Variants in COLEC12 observed in about 807,000 individuals in gnomAD.
COLEC12 encodes the protein collectin-12.
A neutral mutation model predicts 71.1 loss-of-function variants in COLEC12; 33 were observed. The ratio of observed to expected loss-of-function variants is 0.46; its 90% CI spans 0.35 to 0.62. The LOEUF (loss-of-function observed/expected upper bound fraction) is 0.62. Among genes scored for constraint, COLEC12 ranks in the 20% least tolerant of loss-of-function variants. COLEC12 has a pLI of 0.00. For missense variants in COLEC12, 765 were observed against 916.1 expected (o/e 0.84, Z 2.13); for synonymous variants, 350 against 353.0 (o/e 0.99, Z 0.10).
intron 2 of COLEC12, among the ~76,000 whole-genome samples, chr18:384,410 T>C (rs536897870): frequency 1.3e-5 from 2 of 152,106 alleles, no homozygotes; most frequent in South Asian, 4.2e-4. Flanking sequence ...GAAAAGGACA[T>C]GAAGAACAGG....
At chr18:463,367 T>C (rs1014424153) in intron 2 of COLEC12, among the ~76,000 whole-genome samples, 1 of 152,252 alleles carries the variant, frequency 6.6e-6, no homozygotes, top group Admixed American at 6.5e-5. Flanking sequence ...GCTTAGCATC[T>C]GTACCCAACT....
At chr18:436,524 AAG>A (rs1491370699) in intron 2 of COLEC12, among the ~76,000 whole-genome samples, 84 of 31,622 alleles carry the variant, frequency 2.7e-3, no homozygotes, top group African/African-American at 5.7e-3. Flanking sequence ...TCAAAAAAAA[AAG>A]GGGGGGGGGG....
intron 2 of COLEC12, among the ~76,000 whole-genome samples, chr18:367,801 G>A (rs1914888279): frequency 6.6e-6 from 1 of 152,154 alleles, no homozygotes; most frequent in Non-Finnish European, 1.5e-5. Context: ...TATTAAAACT[G>A]GACAAAGGCC....
chr18:349,564 C>T (rs1914462433), intron 3 of COLEC12, among the ~76,000 whole-genome samples: 1 of 152,134 alleles, frequency 6.6e-6, no homozygotes, highest in South Asian at 2.1e-4. Flanking sequence ...GAGAAGAGGG[C>T]CACCGTCCTC....
At chr18:455,698 C>T (rs1916857118) in intron 2 of COLEC12, among the ~76,000 whole-genome samples, 1 of 151,568 alleles carries the variant, frequency 6.6e-6, no homozygotes, top group African/African-American at 2.4e-5. Flanking sequence ...CTCCCTGTGT[C>T]CATGTGTTCT....
chr18:388,899 G>C (rs1014348611), intron 2 of COLEC12, among the ~76,000 whole-genome samples: 4 of 152,074 alleles, frequency 2.6e-5, no homozygotes, highest in Non-Finnish European at 4.4e-5. Context: ...CTCTCCTTGT[G>C]TCCAAGTGTG....
chr18:494,478 T>C (rs1002716656), intron 1 of COLEC12, among the ~76,000 whole-genome samples: 2 of 152,180 alleles, frequency 1.3e-5, no homozygotes, highest in African/African-American at 4.8e-5. Flanking sequence ...TTGTCCCTCA[T>C]CACATTGATA....
chr18:429,839 T>C (rs1916267967), intron 2 of COLEC12, among the ~76,000 whole-genome samples: 1 of 152,194 alleles, frequency 6.6e-6, no homozygotes, highest in Non-Finnish European at 1.5e-5. Context: ...CTCATCCATC[T>C]ATCTACCCAA....
chr18:380,930 G>A (rs751683415), intron 2 of COLEC12, among the ~76,000 whole-genome samples: 1 of 152,100 alleles, frequency 6.6e-6, no homozygotes, highest in Non-Finnish European at 1.5e-5. Context: ...TTCTCTTCCA[G>A]TTCCCTAGGC....
chr18:336,063 C>T (rs570039446), intron 5 of COLEC12, among the ~76,000 whole-genome samples: 2 of 152,320 alleles, frequency 1.3e-5, no homozygotes, highest in South Asian at 2.1e-4. Flanking sequence ...TGACAAGCAC[C>T]GTGTTAAGGT....
chr18:420,132 A>G (rs1276532667), intron 2 of COLEC12, among the ~76,000 whole-genome samples: 2 of 152,200 alleles, frequency 1.3e-5, no homozygotes, highest in Non-Finnish European at 2.9e-5. Context: ...TCTGCTGTAC[A>G]GTCTGAATTC....
intron 2 of COLEC12, among the ~76,000 whole-genome samples, chr18:439,242 G>C (rs1270220204): frequency 2.0e-5 from 3 of 152,140 alleles, no homozygotes; most frequent in Non-Finnish European, 4.4e-5. Flanking sequence ...TCAAAACTGT[G>C]AACTCCTTAA....
At chr18:499,017 C>T (rs1245715676) in intron 1 of COLEC12, among the ~76,000 whole-genome samples, 1 of 152,144 alleles carries the variant, frequency 6.6e-6, no homozygotes, top group East Asian at 1.9e-4. Context: ...TTTTAAAAAC[C>T]ACTGGTCTTA....
Position 334,887 on chromosome 18 carries a change from C to A in COLEC12, c.1671G>T (p.Gly557=), listed in dbSNP as rs569458748. The A allele has an allele frequency of 2.6e-6, 4 of 1,524,718 alleles. No individual in the cohort carries two copies. The highest frequency in any genetic ancestry group is 3.5e-6 in the Non-Finnish European group (4 of 1,145,910). 94.4% of individuals were successfully genotyped at this position (1,524,718 alleles called of 1,614,324 possible). Residue 557 remains glycine, a synonymous_variant, in exon 6 of 10, where the codon GGG becomes GGT. Coordinates refer to ENST00000400256, the MANE Select transcript of COLEC12 (RefSeq NM_130386.3). ...CTGGCAGTCCCCGAGGTCCAGGCAC[C>A]CCAGGCTCCCCAACGGTGCCCTGAA... ...QGLQGTVGEP[G]VPGPRGLPGL... is the part of the protein sequence containing the mutation.
intron 2 of COLEC12, among the ~76,000 whole-genome samples, chr18:462,561 G>C (rs1388195116): frequency 6.6e-6 from 1 of 152,196 alleles, no homozygotes; most frequent in African/African-American, 2.4e-5. Flanking sequence ...ATGGATACAA[G>C]GGTTCTTTCT....
At chr18:464,582 A>G (rs1917049796) in intron 2 of COLEC12, among the ~76,000 whole-genome samples, 1 of 152,172 alleles carries the variant, frequency 6.6e-6, no homozygotes, top group Non-Finnish European at 1.5e-5. Context: ...TGCAGAATTA[A>G]TAACTTCAGA....
rs1917386151 is a variant in COLEC12 at position 480,213 on chromosome 18, G to T, written c.58+494C>A. 6.6e-6 allele frequency among the ~76,000 whole-genome samples: 1 copy of T among 152,156 alleles called. No individual in the cohort carries two copies. Among genetic ancestry groups the T allele is most frequent in the Non-Finnish European group, 1.5e-5 (1 of 68,034 alleles). Reference sequence around the variant, plus strand: ...CACATAAGGTAACATTCAGGTTTCAGGATTCAGGGTGCTGTCACCTTTGGG... The same window carrying T: ...CACATAAGGTAACATTCAGGTTTCATGATTCAGGGTGCTGTCACCTTTGGG... On this transcript the variant is annotated intron_variant, in intron 2 of 9. Transcript: ENST00000400256. The surrounding 1 kb of genome is among the most constrained non-coding windows in gnomAD (Gnocchi z 4.1).
intron 2 of COLEC12, among the ~76,000 whole-genome samples, chr18:456,067 G>C (rs1350187597): frequency 6.6e-6 from 1 of 152,164 alleles, no homozygotes; most frequent in East Asian, 1.9e-4. Flanking sequence ...AAAGCACGTG[G>C]TGGGAGGCTG....
At chr18:355,065 A>G (rs1385840891) in intron 3 of COLEC12, among the ~76,000 whole-genome samples, 3 of 151,910 alleles carry the variant, frequency 2.0e-5, no homozygotes, top group African/African-American at 7.3e-5. Context: ...CCATCCATCC[A>G]TCCATCCATC....
Sources: allele counts gnomAD v4.1 joint callset (sites outside exome capture counted in the v4.1 genomes callset), GRCh38; gene constraint gnomAD v4.1.1; non-coding constraint Gnocchi (gnomAD v3.1); transcripts MANE v1.5; gene names NCBI Gene and HGNC (gene_info 2026-07-23, HGNC 2026-07-21).